The following THSD7A variants were observed in gnomAD, a reference collection of about 807,000 sequenced individuals.
THSD7A encodes thrombospondin type 1 domain containing 7A, also known as thrombospondin type-1 domain-containing protein 7A.
THSD7A carries 96 observed loss-of-function variants against 231.3 expected under a neutral mutation model. The ratio of observed to expected loss-of-function variants is 0.41; its 90% CI spans 0.35 to 0.49. The LOEUF is 0.49. THSD7A is among the 20% of genes least tolerant of loss of function. The pLI is 0.05. For synonymous variants in THSD7A, 940 were observed against 743.3 expected (o/e 1.26, Z -4.30); for missense variants, 2,290 against 2,070.2 (o/e 1.11, Z -2.06).
chr7:11,713,750 T>C (rs1034411946), intron 1 of THSD7A, among the ~76,000 whole-genome samples: 2 of 151,170 alleles, frequency 1.3e-5, no homozygotes, highest in African/African-American at 4.8e-5. Context: ...CTTCTGTAAA[T>C]AAACAGGCAC....
At chr7:11,704,984 A>G (rs901591094) in intron 1 of THSD7A, among the ~76,000 whole-genome samples, 19 of 151,126 alleles carry the variant, frequency 1.3e-4, no homozygotes, top group Admixed American at 1.1e-3. Flanking sequence ...CATATTTGAA[A>G]TGATAATCAT....
chr7:11,626,389 G>T (rs1584104972), intron 2 of THSD7A, among the ~76,000 whole-genome samples: 1 of 152,046 alleles, frequency 6.6e-6, no homozygotes, highest in South Asian at 2.1e-4. Flanking sequence ...TCCTTGAGTT[G>T]TATGCCTTTA....
intron 1 of THSD7A, among the ~76,000 whole-genome samples, chr7:11,783,466 TCA>T (rs1783694646): frequency 6.6e-6 from 1 of 152,114 alleles, no homozygotes; most frequent in Non-Finnish European, 1.5e-5. Context: ...CCACAGTAAA[TCA>T]GAACCATATG....
intron 1 of THSD7A, among the ~76,000 whole-genome samples, chr7:11,818,884 A>G (rs1448523306): frequency 6.6e-6 from 1 of 151,750 alleles, no homozygotes; most frequent in Non-Finnish European, 1.5e-5. Context: ...GTTTTTTTTC[A>G]TTATTGAACA....
intron 6 of THSD7A, among the ~76,000 whole-genome samples, chr7:11,492,003 T>C (rs971698728): frequency 1.3e-5 from 2 of 151,904 alleles, no homozygotes; most frequent in African/African-American, 4.8e-5. Context: ...ATCAGCCAAA[T>C]AGCTTGCCAG....
intron 9 of THSD7A, among the ~76,000 whole-genome samples, chr7:11,465,141 A>T (rs1420592132): frequency 6.6e-6 from 1 of 152,160 alleles, no homozygotes; most frequent in African/African-American, 2.4e-5. Flanking sequence ...AGAGTCACAT[A>T]TAGTAAGTGC....
intron 1 of THSD7A, among the ~76,000 whole-genome samples, chr7:11,726,081 G>C (rs906747152): frequency 6.6e-6 from 1 of 151,824 alleles, no homozygotes; most frequent in African/African-American, 2.4e-5. Context: ...TTGCTTTATA[G>C]AGAAACAAGA....
At chr7:11,445,915 A>C in intron 13 of THSD7A, 146 bp downstream of exon 13, 2 of 1,013,012 alleles carry the variant, frequency 2.0e-6, no homozygotes, top group Non-Finnish European at 1.5e-6. Context: ...TGTTACATAT[A>C]AATGATATAT....
chr7:11,558,095 G>C (rs539523147), intron 4 of THSD7A, among the ~76,000 whole-genome samples: 1 of 152,212 alleles, frequency 6.6e-6, no homozygotes, highest in African/African-American at 2.4e-5. Flanking sequence ...TGATGTTTCC[G>C]TGTTGTTGGC....
chr7:11,719,724 C>A lies in THSD7A; in HGVS notation c.191-82763G>T, dbSNP rs186423399. Among the ~76,000 whole-genome samples the A allele has an allele frequency of 1.5e-3, 227 of 151,778 alleles. 1 individual carries two copies. The highest frequency in any genetic ancestry group is 5.3e-3 in the African/African-American group (219 of 41,476). The stretch of plus-strand genomic sequence containing the variant: ...TAATAAAATCTTTAACTTCAAAACT[C>A]TATTCTTCTAGAAATCTCACTCGGT... On this transcript the variant is annotated intron_variant, in intron 1 of 27. Coordinates refer to ENST00000423059, the MANE Select transcript of THSD7A (RefSeq NM_015204.3).
At chr7:11,737,296 T>TGTG (rs138850699) in intron 1 of THSD7A, among the ~76,000 whole-genome samples, 7,573 of 143,254 alleles carry the variant, frequency 0.053, 208 homozygotes, top group East Asian at 0.15. Flanking sequence ...CTGTTTTATG[T>TGTG]GTGGTGGTGG....
At chr7:11,723,867 A>G (rs959777925) in intron 1 of THSD7A, among the ~76,000 whole-genome samples, 1 of 151,920 alleles carries the variant, frequency 6.6e-6, no homozygotes, top group African/African-American at 2.4e-5. Flanking sequence ...GCCAGACCAT[A>G]TAGACATTAA....
At chr7:11,511,046 C>T (rs1044171676) in intron 6 of THSD7A, among the ~76,000 whole-genome samples, 1 of 152,122 alleles carries the variant, frequency 6.6e-6, no homozygotes, top group Non-Finnish European at 1.5e-5. Context: ...ATCGTCTCAG[C>T]CCAAAATCTC....
At chr7:11,379,381 G>C in intron 25 of THSD7A, 101 bp from the exon 26 acceptor site, 1 of 1,168,972 alleles carries the variant, frequency 8.6e-7, no homozygotes. Flanking sequence ...TTTGTTTTGG[G>C]AATTACTATA....
chr7:11,550,365 T>A (rs1467950187), intron 4 of THSD7A, among the ~76,000 whole-genome samples: 2 of 152,128 alleles, frequency 1.3e-5, no homozygotes, highest in South Asian at 4.1e-4. Context: ...AAACATTCTA[T>A]GCTCTTGAAT....
At chr7:11,383,018 C>T (rs1037308906) in intron 23 of THSD7A, among the ~76,000 whole-genome samples, 1 of 151,202 alleles carries the variant, frequency 6.6e-6, no homozygotes, top group South Asian at 2.1e-4. Context: ...ATGAATAAAA[C>T]ATGAGATATA....
intron 1 of THSD7A, among the ~76,000 whole-genome samples, chr7:11,718,175 G>A (rs1244885068): frequency 1.3e-5 from 2 of 151,558 alleles, no homozygotes; most frequent in Non-Finnish European, 3.0e-5. Context: ...ATATAGTATA[G>A]CAAATGCAAA....
rs751048602 is a variant in THSD7A, at chr7:11,509,821, C to CAA, written c.1823-27841_1823-27840dup. Among the ~76,000 whole-genome samples the CAA allele has an allele frequency of 2.6e-3, 102 of 39,972 alleles. 15 individuals carry two copies. Among genetic ancestry groups the CAA allele is most frequent in the South Asian group, 9.0e-3 (9 of 1,002 alleles). 26.2% of individuals were successfully genotyped at this position (39,972 alleles called of 152,430 possible). A position where few individuals can be genotyped will look rare whatever the true frequency, so the allele number is the denominator to read the frequency against. The stretch of plus-strand genomic sequence containing the variant: ...TGGGCGACAGAGCCAGAGTCCGTCT[C>CAA]AAAAAAAAAAAAAAATAACATCTGA... On this transcript the variant is annotated intron_variant, in intron 6 of 27. Coordinates refer to ENST00000423059, the MANE Select transcript of THSD7A (RefSeq NM_015204.3).
At chr7:11,783,919 TCC>T (rs2128175593) in intron 1 of THSD7A, among the ~76,000 whole-genome samples, 1 of 152,054 alleles carries the variant, frequency 6.6e-6, no homozygotes, top group East Asian at 1.9e-4. Context: ...CAAAAGAAAA[TCC>T]CCTTTTGTCA....
Sources: gnomAD v4.1 joint callset for allele counts (sites outside exome capture counted in the v4.1 genomes callset) on GRCh38, gnomAD v4.1.1 for gene constraint, MANE v1.5 for transcripts, NCBI Gene and HGNC (gene_info 2026-07-23, HGNC 2026-07-21) for gene names.